The following MAPKAP1 variants were observed in gnomAD, a reference collection of about 807,000 sequenced individuals.
MAPKAP1 encodes MAPK associated protein 1.
Under a neutral mutation model 65.7 loss-of-function variants are expected in MAPKAP1, and 20 were observed. That is an observed-to-expected ratio of 0.30 (90% CI 0.21 to 0.44). The LOEUF (loss-of-function observed/expected upper bound fraction) is 0.44, where lower values mean the gene tolerates loss of function less well. Ranked by LOEUF, MAPKAP1 falls within the 20% of genes least tolerant of loss-of-function variation. The pLI is 1.00. For synonymous variants in MAPKAP1, 222 were observed against 244.3 expected, an observed-to-expected ratio of 0.91 and a Z score of 0.85; for missense variants, 423 against 648.0, an observed-to-expected ratio of 0.65 and a Z score of 3.77.
intron 4 of MAPKAP1, among the ~76,000 whole-genome samples, chr9:125,618,672 T>G (rs1240424582): frequency 1.3e-5 from 2 of 152,228 alleles, no homozygotes; most frequent in Non-Finnish European, 2.9e-5. Context: ...TTGTTTGATA[T>G]GTGCAGTGGC....
chr9:125,619,456 GA>G (rs1832834942), intron 4 of MAPKAP1, among the ~76,000 whole-genome samples: 1 of 150,642 alleles, frequency 6.6e-6, no homozygotes, highest in African/African-American at 2.5e-5. Context: ...CGGCCTGGGC[GA>G]AAGAGCAAGA....
intron 8 of MAPKAP1, among the ~76,000 whole-genome samples, chr9:125,499,994 CA>C (rs1435525078): frequency 6.6e-6 from 1 of 151,642 alleles, no homozygotes; most frequent in Non-Finnish European, 1.5e-5. Flanking sequence ...CAAAAACAAA[CA>C]AAAAAATTAA....
intron 8 of MAPKAP1, among the ~76,000 whole-genome samples, chr9:125,489,983 T>C (rs1312505453): frequency 3.3e-5 from 5 of 152,168 alleles, no homozygotes; most frequent in African/African-American, 4.8e-5. Flanking sequence ...CTCCTTTCCC[T>C]TCCCTCAAGT....
chr9:125,680,740 C>A (rs1834797881), intron 1 of MAPKAP1, among the ~76,000 whole-genome samples: 1 of 152,176 alleles, frequency 6.6e-6, no homozygotes, highest in African/African-American at 2.4e-5. Context: ...TACTGGCCTG[C>A]CCCCTCCAGA....
chr9:125,543,533 C>T (rs1311356920), intron 6 of MAPKAP1, among the ~76,000 whole-genome samples: 1 of 152,072 alleles, frequency 6.6e-6, no homozygotes, highest in South Asian at 2.1e-4. Flanking sequence ...GCCTCGGCCT[C>T]CCAAAGTGCT....
At chr9:125,549,865 T>A (rs959624192) in intron 6 of MAPKAP1, among the ~76,000 whole-genome samples, 3 of 152,028 alleles carry the variant, frequency 2.0e-5, no homozygotes, top group Non-Finnish European at 4.4e-5. Flanking sequence ...GATAATGAGG[T>A]CCCTCTCCCT....
At chr9:125,458,717 CAAT>C (rs1249404095) in intron 10 of MAPKAP1, among the ~76,000 whole-genome samples, 1 of 149,362 alleles carries the variant, frequency 6.7e-6, no homozygotes, top group African/African-American at 2.5e-5. Context: ...GGCCTGTTCT[CAAT>C]GAGCTGTTGG....
At chr9:125,494,627 C>T (rs1427097610) in intron 8 of MAPKAP1, among the ~76,000 whole-genome samples, 1 of 152,194 alleles carries the variant, frequency 6.6e-6, no homozygotes, top group Non-Finnish European at 1.5e-5. Context: ...TAGACCCTTG[C>T]TATCCCTCAG....
intron 1 of MAPKAP1, among the ~76,000 whole-genome samples, chr9:125,698,283 ATATAAATATAT>A: frequency 3.9e-5 from 1 of 25,932 alleles, no homozygotes; most frequent in East Asian, 8.4e-4. Flanking sequence ...TACATAATAT[ATATAAATATAT>A]ATATATATAT....
intron 5 of MAPKAP1, among the ~76,000 whole-genome samples, chr9:125,564,206 T>C (rs1220478623): frequency 6.6e-6 from 1 of 152,196 alleles, no homozygotes; most frequent in African/African-American, 2.4e-5. Flanking sequence ...AAGGGGAATT[T>C]TTATAGTCCA....
chr9:125,521,728 T>C (rs1256520973), intron 7 of MAPKAP1: 3 of 1,612,716 alleles, frequency 1.9e-6, no homozygotes, highest in East Asian at 2.2e-5. Flanking sequence ...AACACAGCCT[T>C]GACAGCCAGT....
chr9:125,526,772 C>T (rs555838), intron 7 of MAPKAP1, among the ~76,000 whole-genome samples: 139,239 of 150,794 alleles, frequency 0.92, 65,088 homozygotes, highest in East Asian at 1. Flanking sequence ...ATATAGTTTT[C>T]TTTTTTCTTT....
chr9:125,682,355 C>A (rs1588070331), intron 1 of MAPKAP1, among the ~76,000 whole-genome samples: 1 of 152,114 alleles, frequency 6.6e-6, no homozygotes, highest in Non-Finnish European at 1.5e-5. Context: ...TAAGTATAAA[C>A]CACACTAAAC....
intron 1 of MAPKAP1, among the ~76,000 whole-genome samples, chr9:125,695,120 G>A (rs1835345069): frequency 1.3e-5 from 2 of 152,188 alleles, no homozygotes; most frequent in African/African-American, 4.8e-5. Context: ...TTGGGGATGT[G>A]TCCGTATTTT....
At chr9:125,453,734 T>C (rs1044677263) in intron 10 of MAPKAP1, among the ~76,000 whole-genome samples, 4 of 152,244 alleles carry the variant, frequency 2.6e-5, no homozygotes, top group Admixed American at 6.5e-5. Context: ...CTGGAAAATA[T>C]TGGTTCACTG....
At chr9:125,695,368 A>G (rs1276582156) in intron 1 of MAPKAP1, among the ~76,000 whole-genome samples, 2 of 152,318 alleles carry the variant, frequency 1.3e-5, no homozygotes, top group East Asian at 3.9e-4. Context: ...ATGGCTTTGC[A>G]GAGGGATGCC....
chr9:125,476,698 T>G (rs1287771159), intron 9 of MAPKAP1, among the ~76,000 whole-genome samples: 1 of 152,214 alleles, frequency 6.6e-6, no homozygotes, highest in Non-Finnish European at 1.5e-5. Context: ...TAAGTTTGCA[T>G]GTTGTATACT....
chr9:125,698,729 T>C (rs1835507976), intron 1 of MAPKAP1, among the ~76,000 whole-genome samples: 1 of 152,128 alleles, frequency 6.6e-6, no homozygotes, highest in Non-Finnish European at 1.5e-5. Flanking sequence ...GATAACATAA[T>C]ATCCCTTTTC....
intron 7 of MAPKAP1, among the ~76,000 whole-genome samples, chr9:125,533,459 T>G (rs1007612282): frequency 1.1e-4 from 16 of 151,964 alleles, no homozygotes; most frequent in African/African-American, 3.9e-4. Context: ...ACTTTTTCTT[T>G]TTTTTTTTGA....
Sources: allele counts gnomAD v4.1 joint callset (sites outside exome capture counted in the v4.1 genomes callset), GRCh38; gene constraint gnomAD v4.1.1; transcripts MANE v1.5; gene names NCBI Gene and HGNC (gene_info 2026-07-23, HGNC 2026-07-21).